Variants in RP1 observed in about 807,000 individuals in gnomAD.
RP1 encodes the protein RP1 axonemal microtubule associated, also known as oxygen-regulated protein 1.
A neutral mutation model predicts 14.8 loss-of-function variants in RP1; 16 were observed. That is an observed-to-expected ratio of 1.08 (90% CI 0.73 to 1.65). The LOEUF is 1.65. Among genes scored for constraint, RP1 ranks in the 40% most tolerant of loss-of-function variants. The probability of loss-of-function intolerance (pLI) is 0.00; values close to 1 mark genes in which losing one functional copy is unlikely to be tolerated. For synonymous variants in RP1, 876 were observed against 883.6 expected, an observed-to-expected ratio of 0.99 and a Z score of 0.15; for missense variants, 2,631 against 2,535.0, an observed-to-expected ratio of 1.04 and a Z score of -0.81.
chr8:54,782,791 CAT>C (rs1332567044), intron 23 of RP1, among the ~76,000 whole-genome samples: 1 of 152,130 alleles, frequency 6.6e-6, no homozygotes, highest in African/African-American at 2.4e-5. Context: ...TAAAACAACT[CAT>C]AGATCTTTTT....
chr8:54,617,727 C>A (rs1805755447), intron 1 of RP1, among the ~76,000 whole-genome samples: 1 of 152,158 alleles, frequency 6.6e-6, no homozygotes, highest in African/African-American at 2.4e-5. Context: ...TCTTGGTACC[C>A]CAACTCTTCC....
At chr8:54,870,572 G>C (rs1283688894) in exon 29 of RP1, 1 of 152,226 alleles carries the variant, frequency 6.6e-6, no homozygotes, top group Non-Finnish European at 1.5e-5. Context: ...CCTGCAGGCA[G>C]AGAGCAGCAG....
rs1402320958 is a variant in RP1 at position 54,869,875 on chromosome 8, C to T, written c.4184C>T (p.Thr1395Ile). 4.1e-6 allele frequency: 5 copies of T among 1,231,678 alleles called. No individual in the cohort carries two copies. The Admixed American group carries it at 1.3e-4, about 31-fold the overall frequency. 76.3% of individuals were successfully genotyped at this position (1,231,678 alleles called of 1,614,324 possible). The change falls in exon 29 of 29, where the codon ACC (threonine) becomes ATC (isoleucine). Residue 1395 changes from threonine (T) to isoleucine (I), a missense_variant. By Grantham distance (89) the Thr-to-Ile change is moderately conservative. Transcript: ENST00000637698. ...GATGAGTACCAAGATGATGGCAAGA[C>T]CCAGCGGGAATTGCTCGCAGAAAGT...
intron 12 of RP1, chr8:54,696,717 C>CT: frequency 1.4e-6 from 1 of 720,878 alleles, no homozygotes; most frequent in East Asian, 2.5e-5. Context: ...CAGAGAACCA[C>CT]TTCAAGACTT....
At chr8:54,818,547 A>G (rs1811186251) in intron 24 of RP1, among the ~76,000 whole-genome samples, 1 of 152,238 alleles carries the variant, frequency 6.6e-6, no homozygotes, top group South Asian at 2.1e-4. Context: ...AGACCTCTTG[A>G]TGCAGAAGGA....
intron 1 of RP1, among the ~76,000 whole-genome samples, chr8:54,571,444 T>C (rs1031739980): frequency 7.9e-5 from 12 of 152,196 alleles, no homozygotes; most frequent in African/African-American, 2.4e-4. Flanking sequence ...CTGAGAGATG[T>C]GGCCCCTCCT....
At chr8:54,755,137 G>A (rs1809469702) in intron 20 of RP1, among the ~76,000 whole-genome samples, 1 of 152,100 alleles carries the variant, frequency 6.6e-6, no homozygotes, top group Admixed American at 6.5e-5. Context: ...AATTGTTCTT[G>A]TGGCCCAGCT....
intron 28 of RP1, among the ~76,000 whole-genome samples, chr8:54,868,947 C>T (rs891714521): frequency 9.2e-5 from 14 of 152,086 alleles, no homozygotes; most frequent in Non-Finnish European, 1.9e-4. Flanking sequence ...CTGCACCCAT[C>T]TGTTGTATTG....
At chr8:54,819,830 A>G (rs1048977149) in intron 24 of RP1, among the ~76,000 whole-genome samples, 2 of 152,142 alleles carry the variant, frequency 1.3e-5, no homozygotes, top group Non-Finnish European at 2.9e-5. Flanking sequence ...CTAAACAGAA[A>G]AAGCCTCTCT....
intron 1 of RP1, among the ~76,000 whole-genome samples, chr8:54,607,990 C>T (rs189562635): frequency 0.017 from 2,578 of 152,174 alleles, 26 homozygotes; most frequent in Middle Eastern, 0.048. Context: ...CCTTGCACTT[C>T]CTGGGTGAGG....
exon 10 of RP1, chr8:54,679,495 G>A (rs777432199): frequency 4.6e-6 from 7 of 1,535,756 alleles, no homozygotes; most frequent in African/African-American, 1.4e-5. Flanking sequence ...TCTTCTCTGC[G>A]AGTAGGTATC....
rs1491234783 is a variant in RP1, at chr8:54,824,134, T to TG, written c.3616-13316_3616-13315insG. ...ATTTTCTAATTGGATTGTTTGTGTGTTTTTTTTTTAATATTGAGCTTTTAG... is the reference window on the plus strand; with the variant it reads ...ATTTTCTAATTGGATTGTTTGTGTGTGTTTTTTTTTAATATTGAGCTTTTAG... On this transcript the variant is annotated intron_variant, in intron 24 of 28. Coordinates refer to the RP1 transcript ENST00000637698. 5.6e-4 allele frequency among the ~76,000 whole-genome samples: 40 copies of TG among 71,140 alleles called. 1 individual carries two copies. The highest frequency in any genetic ancestry group is 6.7e-4 in the Admixed American group (6 of 8,934). The allele number at this position is 71,140 out of a possible 152,430, so 46.7% of individuals were successfully genotyped here.
chr8:54,674,863 A>G (rs1044705229), intron 8 of RP1, among the ~76,000 whole-genome samples: 1 of 152,184 alleles, frequency 6.6e-6, no homozygotes, highest in African/African-American at 2.4e-5. Context: ...AATTATTTGC[A>G]TATTATTTTC....
intron 24 of RP1, among the ~76,000 whole-genome samples, chr8:54,806,479 A>T (rs1228488825): frequency 6.6e-6 from 1 of 152,198 alleles, no homozygotes; most frequent in Non-Finnish European, 1.5e-5. Context: ...GCAAAATGAC[A>T]TAACTGCTTT....
chr8:54,866,270 TC>T (rs2129330075), intron 28 of RP1, among the ~76,000 whole-genome samples: 2 of 152,300 alleles, frequency 1.3e-5, no homozygotes, highest in South Asian at 4.1e-4. Context: ...TTCAATGTCC[TC>T]ATATGGAAGA....
chr8:54,579,535 C>T (rs1804732566), intron 1 of RP1, among the ~76,000 whole-genome samples: 1 of 152,132 alleles, frequency 6.6e-6, no homozygotes, highest in Non-Finnish European at 1.5e-5. Flanking sequence ...AGGAATGAGT[C>T]CTAACATTCT....
intron 27 of RP1, among the ~76,000 whole-genome samples, chr8:54,865,234 T>C (rs1016105583): frequency 6.6e-6 from 1 of 152,082 alleles, no homozygotes; most frequent in Non-Finnish European, 1.5e-5. Context: ...TTCTATATTC[T>C]GTGATTTCTT....
chr8:54,753,361 T>A (rs1809420653), intron 19 of RP1, among the ~76,000 whole-genome samples: 1 of 152,210 alleles, frequency 6.6e-6, no homozygotes, highest in African/African-American at 2.4e-5. Context: ...GGGTAGGACA[T>A]GGTTCCTTCC....
intron 15 of RP1, among the ~76,000 whole-genome samples, chr8:54,717,550 G>C (rs1808433186): frequency 6.6e-6 from 1 of 152,044 alleles, no homozygotes; most frequent in Middle Eastern, 3.2e-3. Context: ...TATTGGTGGT[G>C]AAATAAAAAG....
Sources: gnomAD v4.1 joint callset for allele counts (sites outside exome capture counted in the v4.1 genomes callset) on GRCh38, gnomAD v4.1.1 for gene constraint, MANE v1.5 for transcripts, NCBI Gene and HGNC (gene_info 2026-07-23, HGNC 2026-07-21) for gene names.